Variants in DIAPH3 observed in about 807,000 individuals in gnomAD.
The protein encoded by DIAPH3 is diaphanous related formin 3.
DIAPH3 carries 117 observed loss-of-function variants against 144.3 expected under a neutral mutation model. The observed-to-expected ratio is 0.81, with a 90% confidence interval of 0.70 to 0.95. The LOEUF (loss-of-function observed/expected upper bound fraction) is 0.95, where lower values mean the gene tolerates loss of function less well. Among genes scored for constraint, DIAPH3 ranks in the 40% least tolerant of loss-of-function variants. DIAPH3 has a pLI of 0.00. For synonymous variants in DIAPH3, 519 were observed against 488.9 expected (o/e 1.06, Z -0.81); for missense variants, 1,421 against 1,412.7 (o/e 1.01, Z -0.09).
chr13:59,765,506 A>G (rs542194975), intron 27 of DIAPH3, among the ~76,000 whole-genome samples: 59 of 152,324 alleles, frequency 3.9e-4, no homozygotes, highest in African/African-American at 6.0e-4. Context: ...AAGAAAACTT[A>G]AAGACAAATA....
intron 5 of DIAPH3, among the ~76,000 whole-genome samples, chr13:60,033,901 G>A (rs2054993730): frequency 6.6e-6 from 1 of 152,134 alleles, no homozygotes; most frequent in South Asian, 2.1e-4. Flanking sequence ...TTTTCTGAAT[G>A]ATAAAAATTA....
At chr13:59,839,209 T>C in intron 23 of DIAPH3, 115 bp downstream of exon 23, 1 of 1,309,676 alleles carries the variant, frequency 7.6e-7, no homozygotes, top group Non-Finnish European at 1.1e-6. Context: ...GGTTAAACTT[T>C]CTGTAATTTG....
chr13:59,940,491 T>C (rs1008598677), intron 17 of DIAPH3, among the ~76,000 whole-genome samples: 2 of 152,184 alleles, frequency 1.3e-5, no homozygotes, highest in Non-Finnish European at 2.9e-5. Context: ...CACCTATTAA[T>C]TGGGACTCTG....
chr13:59,710,379 T>C (rs528143493), intron 27 of DIAPH3, among the ~76,000 whole-genome samples: 1 of 151,734 alleles, frequency 6.6e-6, no homozygotes, highest in Non-Finnish European at 1.5e-5. Context: ...ATTTCAAATG[T>C]ACTCTCTACA....
chr13:59,737,487 T>C (rs1339561645), intron 27 of DIAPH3, among the ~76,000 whole-genome samples: 3 of 152,198 alleles, frequency 2.0e-5, no homozygotes, highest in Non-Finnish European at 4.4e-5. Flanking sequence ...TTGGGACTAT[T>C]GTTAAACAAA....
intron 27 of DIAPH3, among the ~76,000 whole-genome samples, chr13:59,752,138 A>C (rs2037038400): frequency 6.6e-6 from 1 of 152,224 alleles, no homozygotes; most frequent in Non-Finnish European, 1.5e-5. Flanking sequence ...ATAACAGTTA[A>C]CATTTTATTG....
intron 2 of DIAPH3, among the ~76,000 whole-genome samples, chr13:60,125,017 T>C (rs750128196): frequency 1.3e-5 from 2 of 152,118 alleles, no homozygotes; most frequent in Non-Finnish European, 2.9e-5. Context: ...ACTTAAGCTC[T>C]CTCTTCCCCC....
chr13:59,841,417 T>C (rs753395264), intron 22 of DIAPH3, among the ~76,000 whole-genome samples: 3 of 151,778 alleles, frequency 2.0e-5, no homozygotes, highest in Non-Finnish European at 4.4e-5. Flanking sequence ...AACAAGACTC[T>C]GTGCCTCCAA....
At chr13:59,732,133 A>T (rs2035919390) in intron 27 of DIAPH3, among the ~76,000 whole-genome samples, 1 of 152,112 alleles carries the variant, frequency 6.6e-6, no homozygotes, top group Non-Finnish European at 1.5e-5. Flanking sequence ...TTATTTGTAC[A>T]AAATGCTATT....
At chr13:59,766,191 T>C (rs548171663) in intron 27 of DIAPH3, among the ~76,000 whole-genome samples, 23 of 152,282 alleles carry the variant, frequency 1.5e-4, no homozygotes, top group African/African-American at 5.5e-4. Flanking sequence ...TTTTAGAACC[T>C]TTAGGCTGCT....
intron 17 of DIAPH3, among the ~76,000 whole-genome samples, chr13:59,941,273 G>A (rs952056323): frequency 2.6e-5 from 4 of 152,112 alleles, no homozygotes; most frequent in Admixed American, 6.6e-5. Context: ...TGCAGCACAT[G>A]AGAAAAGGAC....
intron 27 of DIAPH3, among the ~76,000 whole-genome samples, chr13:59,705,758 G>C (rs2138786989): frequency 6.6e-6 from 1 of 152,238 alleles, no homozygotes; most frequent in South Asian, 2.1e-4. Flanking sequence ...TCAACAACTA[G>C]TATATTGGGA....
intron 27 of DIAPH3, among the ~76,000 whole-genome samples, chr13:59,674,785 C>T (rs775950248): frequency 5.0e-4 from 76 of 152,202 alleles, no homozygotes; most frequent in Non-Finnish European, 2.4e-4. Context: ...TGAAACCAAC[C>T]ATGGCATCTG....
At chr13:59,984,699 C>T (rs1165030628) in intron 12 of DIAPH3, among the ~76,000 whole-genome samples, 15 of 142,404 alleles carry the variant, frequency 1.1e-4, no homozygotes, top group African/African-American at 3.4e-4. Flanking sequence ...AACACCTCTA[C>T]GCAAATAAAC....
chr13:59,831,121 C>A (rs2041753504), intron 24 of DIAPH3, among the ~76,000 whole-genome samples: 1 of 151,834 alleles, frequency 6.6e-6, no homozygotes, highest in Non-Finnish European at 1.5e-5. Context: ...CATAGAAGAA[C>A]TGTGTGGCTT....
At chr13:59,672,396 G>A (rs989917038) in intron 27 of DIAPH3, among the ~76,000 whole-genome samples, 1 of 152,182 alleles carries the variant, frequency 6.6e-6, no homozygotes, top group African/African-American at 2.4e-5. Context: ...GAACTCTGGT[G>A]TCCTAAATTG....
At chr13:59,895,477 C>T (rs1202957859) in intron 20 of DIAPH3, among the ~76,000 whole-genome samples, 1 of 147,622 alleles carries the variant, frequency 6.8e-6, no homozygotes, top group South Asian at 2.1e-4. Context: ...GTGAAAAGAG[C>T]CAAGTCTGGT....
At chr13:59,676,754 AT>A (rs1301530343) in intron 27 of DIAPH3, among the ~76,000 whole-genome samples, 1 of 152,226 alleles carries the variant, frequency 6.6e-6, no homozygotes, top group African/African-American at 2.4e-5. Flanking sequence ...AAAAATTTCC[AT>A]GTAGACTTAA....
At chr13:60,134,752 C>T (rs2059226022) in intron 1 of DIAPH3, among the ~76,000 whole-genome samples, 1 of 151,614 alleles carries the variant, frequency 6.6e-6, no homozygotes, top group South Asian at 2.1e-4. Context: ...CAATGGCATG[C>T]CAAGTGGCCT....
Sources: allele counts gnomAD v4.1 joint callset (sites outside exome capture counted in the v4.1 genomes callset), GRCh38; gene constraint gnomAD v4.1.1; transcripts MANE v1.5; gene names NCBI Gene and HGNC (gene_info 2026-07-23, HGNC 2026-07-21).